ITK: variants seen among roughly 807,000 people sequenced by gnomAD.
ITK encodes the protein tyrosine-protein kinase ITK/TSK.
ITK carries 45 observed loss-of-function variants against 87.6 expected under a neutral mutation model. That is an observed-to-expected ratio of 0.51 (90% CI 0.40 to 0.66). The LOEUF is 0.66. ITK is among the 30% of genes least tolerant of loss of function. The pLI is 0.00. For missense variants in ITK, 605 were observed against 766.3 expected (o/e 0.79, Z 2.48); for synonymous variants, 303 against 273.6 (o/e 1.11, Z -1.06).
intron 6 of ITK, 25 bp downstream of exon 6, chr5:157,223,039 C>G: frequency 1.9e-6 from 3 of 1,613,656 alleles, no homozygotes; most frequent in Non-Finnish European, 2.5e-6. Context: ...TGGCTGCTGT[C>G]CCCGTGTTTG....
At chr5:157,214,380 T>G in intron 4 of ITK, 61 bp downstream of exon 4, 3 of 1,405,014 alleles carry the variant, frequency 2.1e-6, no homozygotes, top group Non-Finnish European at 3.0e-6. Context: ...TAAAAGCTTT[T>G]GGCCTTTAAT....
At chr5:157,245,829 G>T (rs1380404679) in intron 14 of ITK, 39 bp downstream of exon 14, 1 of 1,610,096 alleles carries the variant, frequency 6.2e-7, no homozygotes. Flanking sequence ...TCTCAGGAAT[G>T]GGACTGAGGC....
chr5:157,250,206 C>T (rs1755114019), intron 16 of ITK, among the ~76,000 whole-genome samples: 1 of 152,214 alleles, frequency 6.6e-6, no homozygotes, highest in African/African-American at 2.4e-5. Context: ...ATCTCCTGTG[C>T]TTCACCCATT....
At chr5:157,226,144 A>T (rs75399017) in intron 6 of ITK, among the ~76,000 whole-genome samples, 1,661 of 152,316 alleles carry the variant, frequency 0.011, 23 homozygotes, top group African/African-American at 0.037. Flanking sequence ...ACCATGTCAT[A>T]TGTGTGACCA....
chr5:157,202,340 A>C lies in ITK; in HGVS notation c.139-6549A>C, dbSNP rs145980465. Among the ~76,000 whole-genome samples the C allele has an allele frequency of 6.9e-3, 1,053 of 152,220 alleles. 5 individuals are homozygous for C. The highest frequency in any genetic ancestry group is 0.012 in the Non-Finnish European group (805 of 67,988). On this transcript the variant is annotated intron_variant, in intron 1 of 16. Coordinates refer to ENST00000422843, the MANE Select transcript of ITK (RefSeq NM_005546.4). ...GCAATTCTTGTGCCTCAGCCACCCAAGTGCCTGAGATTACAGGTGTGCACC... is the reference window on the plus strand; with the variant it reads ...GCAATTCTTGTGCCTCAGCCACCCACGTGCCTGAGATTACAGGTGTGCACC...
chr5:157,196,378 A>T lies in ITK; in HGVS notation c.139-12511A>T, dbSNP rs1753855769. Among the ~76,000 whole-genome samples the T allele has an allele frequency of 3.3e-5, 5 of 152,340 alleles. No homozygotes were observed. The South Asian group carries it at 1.0e-3, about 32-fold the overall frequency. ...TGCTAATCTGATAGGGGTTTAAAAA[A>T]TAGTACTTAAGTATAATTTATTTGC... On this transcript the variant is annotated intron_variant, in intron 1 of 16. Coordinates refer to ENST00000422843, the MANE Select transcript of ITK (RefSeq NM_005546.4).
chr5:157,232,466 C>A, intron 8 of ITK, 72 bp downstream of exon 8: 1 of 1,123,092 alleles, frequency 8.9e-7, no homozygotes, highest in Non-Finnish European at 1.3e-6. Context: ...TCTGGAATCC[C>A]AGCGATTTGG....
chr5:157,240,466 G>A (rs893410373), intron 10 of ITK: 1 of 501,294 alleles, frequency 2.0e-6, no homozygotes, highest in Non-Finnish European at 3.6e-6. Flanking sequence ...CCACAAAGCC[G>A]ATCCCTGGTG....
chr5:157,210,546 A>T (rs143218238), intron 2 of ITK, among the ~76,000 whole-genome samples: 62 of 132,344 alleles, frequency 4.7e-4, no homozygotes, highest in African/African-American at 5.9e-4. Context: ...TTTTTTTTTT[A>T]ATTTTTTTTT....
At chr5:157,189,731 C>T (rs1002734172) in intron 1 of ITK, among the ~76,000 whole-genome samples, 1 of 152,182 alleles carries the variant, frequency 6.6e-6, no homozygotes, top group Non-Finnish European at 1.5e-5. Flanking sequence ...GAACTACAAG[C>T]TCCATGTAAA....
chr5:157,201,993 C>T (rs1753985654), intron 1 of ITK, among the ~76,000 whole-genome samples: 1 of 152,198 alleles, frequency 6.6e-6, no homozygotes, highest in Admixed American at 6.5e-5. Context: ...ACCCTCCACC[C>T]TCGAGTAGGT....
chr5:157,186,860 C>T (rs1753655534), intron 1 of ITK, among the ~76,000 whole-genome samples: 1 of 152,214 alleles, frequency 6.6e-6, no homozygotes, highest in Non-Finnish European at 1.5e-5. Context: ...CTGCCTGCCA[C>T]TTCATCCTCC....
rs897732685 is a variant in ITK, at chr5:157,221,629, G to A, written c.496-1234G>A. ...ATGTCCAGTGTGCCCCTACAGAAAG[G>A]TACTATCATAATTTGAGGGCCCTGC... On this transcript the variant is annotated intron_variant, in intron 5 of 16. Coordinates refer to ENST00000422843, the MANE Select transcript of ITK (RefSeq NM_005546.4). Among the ~76,000 whole-genome samples the A allele has an allele frequency of 2.6e-4, 39 of 152,054 alleles. 1 individual carries two copies. Among genetic ancestry groups the A allele is most frequent in the Admixed American group, 2.0e-4 (3 of 15,268 alleles).
chr5:157,233,284 A>T (rs1383608947), intron 8 of ITK, among the ~76,000 whole-genome samples: 1 of 152,228 alleles, frequency 6.6e-6, no homozygotes, highest in Non-Finnish European at 1.5e-5. Flanking sequence ...AGCTGATCTC[A>T]GTCCATGGCA....
At chr5:157,196,462 G>T (rs1753857083) in intron 1 of ITK, among the ~76,000 whole-genome samples, 1 of 152,052 alleles carries the variant, frequency 6.6e-6, no homozygotes, top group African/African-American at 2.4e-5. Flanking sequence ...TATTCCTTTT[G>T]TTCATTTTCC....
At chr5:157,187,251 C>A (rs1281963251) in intron 1 of ITK, among the ~76,000 whole-genome samples, 1 of 152,200 alleles carries the variant, frequency 6.6e-6, no homozygotes, top group Non-Finnish European at 1.5e-5. Flanking sequence ...TGTAATTTCC[C>A]CACCTCACCC....
At chr5:157,202,908 T>G (rs1754004271) in intron 1 of ITK, among the ~76,000 whole-genome samples, 1 of 152,206 alleles carries the variant, frequency 6.6e-6, no homozygotes. Flanking sequence ...TGTTCACAAT[T>G]CCAGTTAATA....
At chr5:157,210,836 G>A (rs1013419221) in intron 2 of ITK, among the ~76,000 whole-genome samples, 11 of 151,460 alleles carry the variant, frequency 7.3e-5, no homozygotes, top group African/African-American at 2.7e-4. Context: ...AGAAAAGTAG[G>A]TGAAAAGTAC....
At chr5:157,228,449 C>T (rs1317715639) in intron 7 of ITK, 88 bp downstream of exon 7, 1 of 786,176 alleles carries the variant, frequency 1.3e-6, no homozygotes, top group African/African-American at 1.7e-5. Flanking sequence ...TGTAAAAATA[C>T]CAGATGATCC....
Sources: gnomAD v4.1 joint callset for allele counts (sites outside exome capture counted in the v4.1 genomes callset) on GRCh38, gnomAD v4.1.1 for gene constraint, MANE v1.5 for transcripts, NCBI Gene and HGNC (gene_info 2026-07-23, HGNC 2026-07-21) for gene names.